The following MXRA5 variants were observed in gnomAD, a reference collection of about 807,000 sequenced individuals.
MXRA5 encodes the protein matrix-remodeling-associated protein 5.
MXRA5 carries 41 observed loss-of-function variants against 112.5 expected under a neutral mutation model. The ratio of observed to expected loss-of-function variants is 0.36; its 90% CI spans 0.28 to 0.47. The LOEUF is 0.47. Among genes scored for constraint, MXRA5 ranks in the 20% least tolerant of loss-of-function variants. The probability of loss-of-function intolerance (pLI) is 0.99; values close to 1 mark genes in which losing one functional copy is unlikely to be tolerated. For missense variants in MXRA5, 2,150 were observed against 2,251.0 expected (o/e 0.96, Z 0.91); for synonymous variants, 862 against 900.8 (o/e 0.96, Z 0.77).
chrX:3,321,578 G>C lies in MXRA5; in HGVS notation c.4107C>G (p.Ser1369=). 1 of 1,210,175 alleles carries C rather than the reference G, an allele frequency of 8.3e-7. No individual in the cohort carries two copies. The highest frequency in any genetic ancestry group is 1.1e-6 in the Non-Finnish European group (1 of 894,641). The change falls in exon 5 of 7, where the codon TCC becomes TCG. Residue 1369 remains serine (S), a synonymous_variant. Coordinates refer to ENST00000217939, the MANE Select transcript of MXRA5 (RefSeq NM_015419.4). ...VSTMGEFKEE[S]SPVGFPGTPT... Reference sequence around the variant, plus strand: ...GAGTTCCTGGAAAGCCTACAGGAGAGGATTCTTCCTTAAATTCTCCCATAG... The same window carrying C: ...GAGTTCCTGGAAAGCCTACAGGAGACGATTCTTCCTTAAATTCTCCCATAG...
intron 5 of MXRA5, among the ~76,000 whole-genome samples, chrX:3,318,876 A>C (rs868299630): frequency 9.2e-6 from 1 of 108,526 alleles, no homozygotes; most frequent in Non-Finnish European, 1.9e-5. Context: ...TAAAAAAAAA[A>C]CAAACAAAAA....
At chrX:3,339,513 G>A (rs1381743215) in intron 2 of MXRA5, among the ~76,000 whole-genome samples, 4 of 110,888 alleles carry the variant, frequency 3.6e-5, no homozygotes, top group East Asian at 2.9e-4. Flanking sequence ...TGATCCACCC[G>A]CCTCAGCCTC....
At chrX:3,341,095 T>G in intron 2 of MXRA5, among the ~76,000 whole-genome samples, 1 of 52,414 alleles carries the variant, frequency 1.9e-5, no homozygotes, top group Non-Finnish European at 3.5e-5. Context: ...ACATAATATG[T>G]TATACATAAT....
Position 3,324,298 on chromosome X carries a change from T to C in MXRA5, c.1387A>G (p.Ile463Val), listed in dbSNP as rs144991234. The change falls in exon 5 of 7, where the codon ATA becomes GTA. Residue 463 changes from isoleucine to valine, a missense_variant. By Grantham distance (29) the Ile-to-Val change is conservative. Around this residue, in one of 6 missense-constraint regions of MXRA5, gnomAD observed 386 missense variants for 411.0 expected, o/e 0.94. Coordinates refer to ENST00000217939, the MANE Select transcript of MXRA5 (RefSeq NM_015419.4). Reference protein sequence around the residue: ...LSYYTQYSQTISTKDTRQARG... With the variant: ...LSYYTQYSQTVSTKDTRQARG... Reference sequence around the variant, plus strand: ...GCCTGCCTTGTATCTTTGGTGGATATTGTTTGAGAATACTGGGTGTAGTAG... The same window carrying C: ...GCCTGCCTTGTATCTTTGGTGGATACTGTTTGAGAATACTGGGTGTAGTAG... The C allele has an allele frequency of 2.8e-3, 3,426 of 1,209,859 alleles. 9 individuals carry two copies. Among genetic ancestry groups the C allele is most frequent in the Non-Finnish European group, 2.9e-3 (2,634 of 895,206 alleles).
At position 3,336,738 on chromosome X, in the gene MXRA5, A is replaced by G. The variant is rs1025029697; in HGVS notation, c.189-5965T>C. On this transcript the variant is annotated intron_variant, in intron 2 of 6. Transcript: ENST00000217939. ...AAATTGCAAAAACTTTGTACAGATC[A>G]GCTTCGTATGTGCCTTCAGGATGTA... is the stretch of plus-strand genomic sequence containing the variant. Among the ~76,000 whole-genome samples the G allele has an allele frequency of 1.1e-4, 12 of 112,753 alleles. 1 individual carries two copies. Among genetic ancestry groups the G allele is most frequent in the Admixed American group, 8.4e-4 (9 of 10,657 alleles).
chrX:3,312,133 A>G (rs542089869), intron 6 of MXRA5, among the ~76,000 whole-genome samples: 4 of 112,186 alleles, frequency 3.6e-5, no homozygotes, highest in African/African-American at 1.3e-4. Flanking sequence ...AACTCTAATA[A>G]GGTCATGTAA....
chrX:3,338,744 ATAGG>A (rs1335629963), intron 2 of MXRA5, among the ~76,000 whole-genome samples: 11 of 110,977 alleles, frequency 9.9e-5, no homozygotes, highest in African/African-American at 9.8e-5. Flanking sequence ...TAGATAGATG[ATAGG>A]TAGGTAGAGA....
At chrX:3,312,190 G>A (rs947656438) in intron 6 of MXRA5, among the ~76,000 whole-genome samples, 1 of 111,590 alleles carries the variant, frequency 9.0e-6, no homozygotes, top group Admixed American at 9.5e-5. Flanking sequence ...GGCTAAAATT[G>A]GGATCTTCAG....
At chrX:3,345,460 G>A (rs756007988) in intron 1 of MXRA5, among the ~76,000 whole-genome samples, 1 of 113,051 alleles carries the variant, frequency 8.8e-6, no homozygotes, top group East Asian at 2.8e-4. Flanking sequence ...GGGCAGCCGC[G>A]CCAGTCCCCA....
intron 2 of MXRA5, among the ~76,000 whole-genome samples, chrX:3,335,035 G>A (rs896576043): frequency 1.8e-5 from 2 of 111,477 alleles, no homozygotes; most frequent in Admixed American, 9.5e-5. Flanking sequence ...TGCATTCAGC[G>A]TCGTTCAGAG....
At chrX:3,337,960 A>T (rs1165846168) in intron 2 of MXRA5, among the ~76,000 whole-genome samples, 1 of 111,435 alleles carries the variant, frequency 9.0e-6, no homozygotes, top group Admixed American at 9.6e-5. Context: ...AAGAATTCAA[A>T]GCTGTATTTG....
At chrX:3,326,144 G>GTTATAATTTATAATTATAATTTA (rs397943715) in intron 4 of MXRA5, among the ~76,000 whole-genome samples, 1 of 262 alleles carries the variant, frequency 3.8e-3, no homozygotes, top group Non-Finnish European at 7.1e-3. Flanking sequence ...TAAATTATAT[G>GTTATAATTTATAATTATAATTTA]TAATATATAA....
In MXRA5 at chrX:3,324,623, A is replaced by G. The variant is rs2146923839; in HGVS notation, c.1062T>C (p.Asp354=). Residue 354 remains aspartate, a synonymous_variant, in exon 5 of 7, where the codon GAT becomes GAC. Transcript: ENST00000217939. The stretch of plus-strand genomic sequence containing the variant: ...AGGCAACTGTTGCATTTATGTCAAT[A>G]TCTGGAGGATCCGTTTGGTTCAAGT... ...KIHLNQTDPP[D]IDINATVALD... 2 of 1,210,672 alleles carry G rather than the reference A, an allele frequency of 1.7e-6. No homozygotes were observed. The highest frequency in any genetic ancestry group is 3.5e-5 in the South Asian group (2 of 56,820).
rs1229405029 is a variant in MXRA5 at position 3,322,314 on chromosome X, T to A, written c.3371A>T (p.Asp1124Val). Residue 1124 changes from aspartate (D) to valine (V), a missense_variant, in exon 5 of 7, where the codon GAC (aspartate) becomes GTC (valine). By Grantham distance (152) the Asp-to-Val change is radical. Around this residue, in one of 6 missense-constraint regions of MXRA5, gnomAD observed 1,485 missense variants for 1,471.6 expected, o/e 1.01. Transcript: ENST00000217939. ...TGGTGTTGTTGTTGCTGTTGTGGTG[T>A]CTTTGTCTAGGAGGGTACCAACTGT... Reference protein sequence around the residue: ...ETTVGTLLDKDTTTATTTPRQ... With the variant: ...ETTVGTLLDKVTTTATTTPRQ... 8.3e-7 allele frequency: 1 copy of A among 1,208,653 alleles called. No individual in the cohort carries two copies. Among genetic ancestry groups the A allele is most frequent in the African/African-American group, 1.8e-5 (1 of 56,885 alleles).
intron 2 of MXRA5, among the ~76,000 whole-genome samples, chrX:3,339,302 T>C (rs1385047381): frequency 9.1e-6 from 1 of 109,579 alleles, no homozygotes; most frequent in Non-Finnish European, 1.9e-5. Flanking sequence ...TCTCGCTCTG[T>C]CACCCAAGCT....
chrX:3,311,138 C>G lies in MXRA5; in HGVS notation c.7065G>C (p.Ala2355=). 8.3e-7 allele frequency: 1 copy of G among 1,211,691 alleles called. No individual in the cohort carries two copies. Among genetic ancestry groups the G allele is most frequent in the African/African-American group, 1.7e-5 (1 of 57,738 alleles). The change falls in exon 7 of 7, where the codon GCG becomes GCC. Residue 2355 remains alanine (A), a synonymous_variant. Coordinates refer to ENST00000217939, the MANE Select transcript of MXRA5 (RefSeq NM_015419.4). ...CCACGTCTCCATAGGGCACCTGAAC[C>G]GCCAAGTAAGTCTTGTTCCGGATGG... ...PATIRNKTYL[A]VQVPYGDVVT... is the part of the protein sequence containing the mutation.
Position 3,317,975 on chromosome X carries a change from T to C in MXRA5, c.5706A>G (p.Ile1902Met). ...CGTTCTTGAGAACCTCAAACCGTTG[T>C]ATCCTGGTATTCGGAGTCATAAGAG... ...TGALMTPNTR[I>M]QRFEVLKNGT... Residue 1902 changes from isoleucine (I) to methionine (M), a missense_variant, in exon 6 of 7, where the codon ATA becomes ATG. Ile to Met is a conservative substitution (Grantham distance 10). Transcript: ENST00000217939. The C allele has an allele frequency of 8.3e-7, 1 of 1,199,844 alleles. No homozygotes were observed. The highest frequency in any genetic ancestry group is 1.1e-6 in the Non-Finnish European group (1 of 888,299).
chrX:3,340,942 A>G (rs1222007845), intron 2 of MXRA5, among the ~76,000 whole-genome samples: 1 of 86,610 alleles, frequency 1.2e-5, no homozygotes, highest in Non-Finnish European at 2.3e-5. Context: ...CTGCTGTGCA[A>G]GAAGCACCGC....
At chrX:3,332,791 G>C (rs1309243587) in intron 2 of MXRA5, among the ~76,000 whole-genome samples, 1 of 111,564 alleles carries the variant, frequency 9.0e-6, no homozygotes, top group Non-Finnish European at 1.9e-5. Context: ...CCAGTGTCTT[G>C]TCAGCTAAGC....
Sources: allele counts gnomAD v4.1 joint callset (sites outside exome capture counted in the v4.1 genomes callset), GRCh38; gene constraint gnomAD v4.1.1; regional missense constraint gnomAD v4.1.1; transcripts MANE v1.5; gene names NCBI Gene and HGNC (gene_info 2026-07-23, HGNC 2026-07-21).